Variants in PXDC1 observed in about 807,000 individuals in gnomAD.
The protein encoded by PXDC1 is PX domain containing 1, also known as PX domain-containing protein 1.
Under a neutral mutation model 24.4 loss-of-function variants are expected in PXDC1, and 13 were observed. The observed-to-expected ratio is 0.53, with a 90% CI of 0.35 to 0.85. The LOEUF (loss-of-function observed/expected upper bound fraction) is 0.85, where lower values mean the gene tolerates loss of function less well. Ranked by LOEUF, PXDC1 falls within the 40% of genes least tolerant of loss-of-function variation. The pLI is 0.01. For missense variants in PXDC1, 344 were observed against 309.3 expected (o/e 1.11, Z -0.84); for synonymous variants, 162 against 124.9 (o/e 1.30, Z -1.98).
intron 1 of PXDC1, chr6:3,738,919 G>C: frequency 1.5e-6 from 2 of 1,302,310 alleles, no homozygotes; most frequent in South Asian, 2.5e-5. Context: ...GGTGCCCAAG[G>C]ACACTGGCGT....
At chr6:3,746,416 TG>T (rs1249748202) in intron 1 of PXDC1, among the ~76,000 whole-genome samples, 2 of 152,104 alleles carry the variant, frequency 1.3e-5, no homozygotes, top group African/African-American at 4.8e-5. Flanking sequence ...GGTGGCCCCA[TG>T]GGAGCCCTGG....
rs114844366 is a variant in PXDC1, at chr6:3,729,949, T to C, written c.467-2287A>G. Among the ~76,000 whole-genome samples, 1,419 of 152,348 alleles carry C rather than the reference T, an allele frequency of 9.3e-3. 26 individuals carry two copies. Among genetic ancestry groups the C allele is most frequent in the African/African-American group, 0.033 (1,363 of 41,574 alleles). On this transcript the variant is annotated intron_variant, in intron 3 of 4. Transcript: ENST00000380283. ...CCTAATCTTTCTTAAATGTGAAATTTGGAGCTCTATAAAACGGAGTCATTA... is the reference window on the plus strand; with the variant it reads ...CCTAATCTTTCTTAAATGTGAAATTCGGAGCTCTATAAAACGGAGTCATTA...
chr6:3,745,885 G>T (rs577024977), intron 1 of PXDC1, among the ~76,000 whole-genome samples: 1 of 152,200 alleles, frequency 6.6e-6, no homozygotes, highest in African/African-American at 2.4e-5. Flanking sequence ...CTTAACAATG[G>T]GAAGAAACCC....
In PXDC1 at chr6:3,725,579, C is replaced by A. The variant is rs1040835626; in HGVS notation, c.579-1843G>T. On this transcript the variant is annotated intron_variant, in intron 4 of 4. Coordinates refer to ENST00000380283, the MANE Select transcript of PXDC1 (RefSeq NM_183373.4). The surrounding 1 kb of genome is among the most constrained non-coding windows in gnomAD (Gnocchi z 4.8). Reference sequence around the variant, plus strand: ...TGTGGGGGCCCTGCTGTGGGCCCGGCGGCACTGGGCTCACAGGCTCGGGCC... The same window carrying A: ...TGTGGGGGCCCTGCTGTGGGCCCGGAGGCACTGGGCTCACAGGCTCGGGCC... Among the ~76,000 whole-genome samples the A allele has an allele frequency of 1.3e-5, 2 of 152,188 alleles. No homozygotes were observed. The highest frequency in any genetic ancestry group is 6.5e-5 in the Admixed American group (1 of 15,282).
chr6:3,749,829 C>T (rs1342296247), intron 1 of PXDC1, among the ~76,000 whole-genome samples: 1 of 152,308 alleles, frequency 6.6e-6, no homozygotes, highest in East Asian at 1.9e-4. Context: ...AGACGCCTGA[C>T]CACAGTGAAG....
At chr6:3,747,892 T>C (rs1471267908) in intron 1 of PXDC1, among the ~76,000 whole-genome samples, 1 of 152,226 alleles carries the variant, frequency 6.6e-6, no homozygotes, top group Non-Finnish European at 1.5e-5. Flanking sequence ...ACTATGCAGA[T>C]ATTTGATGGA....
chr6:3,743,750 T>A (rs1322676455), intron 1 of PXDC1, among the ~76,000 whole-genome samples: 1 of 152,156 alleles, frequency 6.6e-6, no homozygotes, highest in Non-Finnish European at 1.5e-5. Context: ...TCACGCAGTA[T>A]AACTGTACAA....
chr6:3,739,056 A>G lies in PXDC1; in HGVS notation c.257-908T>C, dbSNP rs1760396953. ...GATTACTGCGATTACTTTTGCACCAACCTAGTATTATTGGTCACGGAGACT... is the reference window on the plus strand; with the variant it reads ...GATTACTGCGATTACTTTTGCACCAGCCTAGTATTATTGGTCACGGAGACT... On this transcript the variant is annotated intron_variant, in intron 1 of 4. Transcript: ENST00000380283. The G allele has an allele frequency of 1.0e-5, 12 of 1,192,484 alleles. No homozygotes were observed. The South Asian group carries it at 1.7e-4, about 17-fold the overall frequency. The allele number at this position is 1,192,484 out of a possible 1,614,324, so 73.9% of individuals were successfully genotyped here.
rs1252025124 is a variant in PXDC1, at chr6:3,751,315, C to A, written c.217G>T (p.Glu73Ter). 1 of 1,547,648 alleles carries A rather than the reference C, an allele frequency of 6.5e-7. No homozygotes were observed. Residue 73 changes from glutamate to a stop codon, truncating the protein, a stop_gained, in exon 1 of 5, where the codon GAG becomes TAG. Transcript: ENST00000380283. LOFTEE classifies it high-confidence loss of function. The part of the protein sequence containing the change: ...LWQRLRDAFP[E>*]DRSELAQGPL... ...CCCTGCGCCAGTTCGGACCGGTCCTCGGGAAAGGCGTCGCGCAGGCGCTGC... is the reference window on the plus strand; with the variant it reads ...CCCTGCGCCAGTTCGGACCGGTCCTAGGGAAAGGCGTCGCGCAGGCGCTGC...
At chr6:3,743,474 T>C (rs1362319184) in intron 1 of PXDC1, among the ~76,000 whole-genome samples, 2 of 152,138 alleles carry the variant, frequency 1.3e-5, no homozygotes, top group African/African-American at 4.8e-5. Flanking sequence ...TCATCTTGTA[T>C]GCTGCACGGG....
In PXDC1 at chr6:3,751,316, G is replaced by C. The variant is rs758539503; in HGVS notation, c.216C>G (p.Pro72=). 6.5e-7 allele frequency: 1 copy of C among 1,547,784 alleles called. No homozygotes were observed. Among genetic ancestry groups the C allele is most frequent in the East Asian group, 2.5e-5 (1 of 40,730 alleles). The change falls in exon 1 of 5, where the codon CCC becomes CCG. Residue 72 remains proline (P), a synonymous_variant. Coordinates refer to ENST00000380283, the MANE Select transcript of PXDC1 (RefSeq NM_183373.4). The stretch of plus-strand genomic sequence containing the variant: ...CCTGCGCCAGTTCGGACCGGTCCTC[G>C]GGAAAGGCGTCGCGCAGGCGCTGCC... ...RLWQRLRDAF[P]EDRSELAQGP...
intron 1 of PXDC1, among the ~76,000 whole-genome samples, chr6:3,745,855 G>A (rs1339693457): frequency 1.3e-5 from 2 of 152,194 alleles, no homozygotes; most frequent in East Asian, 1.9e-4. Context: ...CTGAGTCTAG[G>A]TTAAACATCA....
At chr6:3,732,262 T>C (rs887470764) in intron 3 of PXDC1, among the ~76,000 whole-genome samples, 2 of 152,326 alleles carry the variant, frequency 1.3e-5, no homozygotes, top group South Asian at 2.1e-4. Context: ...ATTCATACTC[T>C]AGCCTTCCTC....
chr6:3,741,105 C>A (rs1260967762), intron 1 of PXDC1, among the ~76,000 whole-genome samples: 1 of 152,382 alleles, frequency 6.6e-6, no homozygotes, highest in East Asian at 1.9e-4. Context: ...TCGGTCTTCT[C>A]GTCATCACCT....
chr6:3,747,016 T>C (rs1448013365), intron 1 of PXDC1, among the ~76,000 whole-genome samples: 1 of 152,138 alleles, frequency 6.6e-6, no homozygotes, highest in Non-Finnish European at 1.5e-5. Context: ...TCTTTGGTGA[T>C]AAAGATGAGC....
chr6:3,726,379 G>C (rs1245007828), intron 4 of PXDC1, among the ~76,000 whole-genome samples: 1 of 152,266 alleles, frequency 6.6e-6, no homozygotes, highest in African/African-American at 2.4e-5. Flanking sequence ...GGACACAAAA[G>C]GGCAAGGCAG....
In PXDC1 at chr6:3,737,255, G is replaced by T; in HGVS notation, c.349-59C>A. 2 of 1,231,460 alleles carry T rather than the reference G, an allele frequency of 1.6e-6. No homozygotes were observed. The highest frequency in any genetic ancestry group is 2.4e-6 in the Non-Finnish European group (2 of 835,488). The allele number at this position is 1,231,460 out of a possible 1,614,324, so 76.3% of individuals were successfully genotyped here. A position where few individuals can be genotyped will look rare whatever the true frequency, so the allele number is the denominator to read the frequency against. ...CAGCCTCTACACGTTGGCCCTGTCT[G>T]TCTACCAAGAGAGGGCCCCGCTCCT... On this transcript the variant is annotated intron_variant, in intron 2 of 4. Transcript: ENST00000380283. The surrounding 1 kb of genome is among the most constrained non-coding windows in gnomAD (Gnocchi z 5.5).
intron 1 of PXDC1, among the ~76,000 whole-genome samples, chr6:3,750,439 G>A (rs1352449357): frequency 6.6e-6 from 1 of 151,968 alleles, no homozygotes; most frequent in Non-Finnish European, 1.5e-5. Flanking sequence ...CTCCCAGGCG[G>A]CCCCTCTCCT....
chr6:3,746,015 T>TCTTCTGCAGGA (rs1436304964), intron 1 of PXDC1, among the ~76,000 whole-genome samples: 5 of 152,166 alleles, frequency 3.3e-5, no homozygotes, highest in Non-Finnish European at 7.4e-5. Context: ...TCACCACATA[T>TCTTCTGCAGGA]GGTGTGCGTT....
Sources: allele counts gnomAD v4.1 joint callset (sites outside exome capture counted in the v4.1 genomes callset), GRCh38; gene constraint gnomAD v4.1.1; non-coding constraint Gnocchi (gnomAD v3.1); transcripts MANE v1.5; gene names NCBI Gene and HGNC (gene_info 2026-07-23, HGNC 2026-07-21).